Variants in CEP162 observed in about 807,000 individuals in gnomAD.
The protein encoded by CEP162 is centrosomal protein of 162 kDa.
Under a neutral mutation model 169.2 loss-of-function variants are expected in CEP162, and 141 were observed. The ratio of observed to expected loss-of-function variants is 0.83; its 90% CI spans 0.73 to 0.96. CEP162 has a LOEUF of 0.96. CEP162 is among the 40% of genes least tolerant of loss of function. The pLI, the probability that CEP162 is intolerant of heterozygous loss-of-function variation, is 0.00. For synonymous variants in CEP162, 540 were observed against 526.4 expected (o/e 1.03, Z -0.35); for missense variants, 1,600 against 1,587.2 (o/e 1.01, Z -0.14).
At chr6:84,154,833 G>T (rs866710861) in intron 22 of CEP162, among the ~76,000 whole-genome samples, 2 of 151,984 alleles carry the variant, frequency 1.3e-5, no homozygotes, top group Non-Finnish European at 2.9e-5. Flanking sequence ...ATTCATTCCT[G>T]TTTCACAAAA....
At chr6:84,159,304 A>G (rs1191359005) in intron 21 of CEP162, among the ~76,000 whole-genome samples, 1 of 150,568 alleles carries the variant, frequency 6.6e-6, no homozygotes, top group Non-Finnish European at 1.5e-5. Flanking sequence ...TTACTTTTAT[A>G]AAGTGGTATA....
At chr6:84,138,613 T>C (rs2099515152) in intron 25 of CEP162, among the ~76,000 whole-genome samples, 1 of 152,218 alleles carries the variant, frequency 6.6e-6, no homozygotes, top group South Asian at 2.1e-4. Context: ...AGTGCTTAGC[T>C]TTCTAGTAGT....
chr6:84,161,060 T>A, intron 20 of CEP162, 144 bp from the exon 21 acceptor site: 1 of 628,126 alleles, frequency 1.6e-6, no homozygotes, highest in Non-Finnish European at 2.8e-6. Context: ...TTCTTTGAGC[T>A]CCTCCCAAGT....
intron 23 of CEP162, among the ~76,000 whole-genome samples, chr6:84,151,218 G>A (rs2099520967): frequency 6.6e-6 from 1 of 152,032 alleles, no homozygotes; most frequent in Non-Finnish European, 1.5e-5. Context: ...AGAGCAGAGT[G>A]ACCCAGGTAT....
Position 84,175,332 on chromosome 6 carries a change from G to C in CEP162, c.1679C>G (p.Thr560Arg), listed in dbSNP as rs1363928644. Residue 560 changes from threonine to arginine, a missense_variant, in exon 14 of 27, where the codon ACA becomes AGA. Transcript: ENST00000403245. ...QPRKKEILSG[T>R]KLIKPAALDK... is the part of the protein sequence containing the mutation. Reference sequence around the variant, plus strand: ...CAAAGCTGCAGGCTTGATGAGTTTTGTTCCAGATAAGATTTCTAAATATTA... The same window carrying C: ...CAAAGCTGCAGGCTTGATGAGTTTTCTTCCAGATAAGATTTCTAAATATTA... 1.9e-6 allele frequency: 3 copies of C among 1,541,170 alleles called. No homozygotes were observed. The highest frequency in any genetic ancestry group is 2.6e-6 in the Non-Finnish European group (3 of 1,142,540).
At chr6:84,182,942 C>A (rs894377690) in intron 13 of CEP162, among the ~76,000 whole-genome samples, 1 of 152,100 alleles carries the variant, frequency 6.6e-6, no homozygotes, top group Non-Finnish European at 1.5e-5. Context: ...TCAAACTCTG[C>A]TTCTTGGAGA....
chr6:84,163,373 T>C, intron 18 of CEP162, 103 bp from the exon 19 acceptor site: 1 of 848,554 alleles, frequency 1.2e-6, no homozygotes, highest in Non-Finnish European at 1.8e-6. Flanking sequence ...CAAAATATTT[T>C]CTCTAAATTT....
At chr6:84,203,793 A>T (rs1486590633) in intron 7 of CEP162, among the ~76,000 whole-genome samples, 188 bp downstream of exon 7, 1 of 152,120 alleles carries the variant, frequency 6.6e-6, no homozygotes, top group Non-Finnish European at 1.5e-5. Flanking sequence ...AATTTTTTTC[A>T]TTAAGATTTA....
intron 11 of CEP162, among the ~76,000 whole-genome samples, chr6:84,187,810 A>T (rs536419010): frequency 8.8e-4 from 134 of 152,314 alleles, no homozygotes; most frequent in Non-Finnish European, 1.5e-3. Flanking sequence ...AAATGACTGG[A>T]AAGAACAAGG....
chr6:84,175,377 C>A, intron 13 of CEP162, 30 bp from the exon 14 acceptor site: 1 of 1,463,792 alleles, frequency 6.8e-7, no homozygotes. Context: ...TATAAATGCA[C>A]CACAAATGTA....
At chr6:84,145,300 G>A (rs2099518351) in intron 25 of CEP162, among the ~76,000 whole-genome samples, 1 of 152,092 alleles carries the variant, frequency 6.6e-6, no homozygotes, top group Non-Finnish European at 1.5e-5. Context: ...CTAGCCTGGA[G>A]ATGCCAATAA....
chr6:84,203,990 C>G lies in CEP162; in HGVS notation c.678G>C (p.Val226=), dbSNP rs1203839530. The G allele has an allele frequency of 1.2e-6, 2 of 1,601,816 alleles. No homozygotes were observed. Among genetic ancestry groups the G allele is most frequent in the Admixed American group, 3.4e-5 (2 of 58,446 alleles). The part of the protein sequence containing the change: ...KENSKSEKIS[V]PKQEEEKTGM... ...TAATTGATATATATACCTGTTTGGGCACACTTATTTTTTCTGATTTGGAAT... is the reference window on the plus strand; with the variant it reads ...TAATTGATATATATACCTGTTTGGGGACACTTATTTTTTCTGATTTGGAAT... Residue 226 remains valine, a synonymous_variant, in exon 7 of 27, where the codon GTG becomes GTC. Transcript: ENST00000403245.
intron 25 of CEP162, among the ~76,000 whole-genome samples, chr6:84,134,822 A>ATC (rs2099513211): frequency 2.6e-5 from 4 of 151,990 alleles, no homozygotes; most frequent in Non-Finnish European, 5.9e-5. Flanking sequence ...CCCACAGATT[A>ATC]AACTTTTGAT....
At chr6:84,147,579 GCAAA>G (rs1041592577) in intron 24 of CEP162, among the ~76,000 whole-genome samples, 3 of 151,938 alleles carry the variant, frequency 2.0e-5, no homozygotes, top group Non-Finnish European at 2.9e-5. Flanking sequence ...TTTGCATGTA[GCAAA>G]CACTCACATG....
chr6:84,178,807 C>T lies in CEP162; in HGVS notation c.1664-3460G>A, dbSNP rs558050179. Among the ~76,000 whole-genome samples the T allele has an allele frequency of 3.5e-4, 53 of 152,186 alleles. No homozygotes were observed. The East Asian group carries it at 4.8e-3, about 14-fold the overall frequency. On this transcript the variant is annotated intron_variant, in intron 13 of 26. Coordinates refer to ENST00000403245, the MANE Select transcript of CEP162 (RefSeq NM_014895.4). ...TATATCTCCTAATGCTATACCTCCCCGCTCCCCCCAACCCCACGACAGGCC... is the reference window on the plus strand; with the variant it reads ...TATATCTCCTAATGCTATACCTCCCTGCTCCCCCCAACCCCACGACAGGCC...
Position 84,220,614 on chromosome 6 carries a change from C to CAT in CEP162, c.172+441_172+442dup, listed in dbSNP as rs769869866. On this transcript the variant is annotated intron_variant, in intron 3 of 26. Coordinates refer to ENST00000403245, the MANE Select transcript of CEP162 (RefSeq NM_014895.4). ...CCCTTCAGCCTGGGCATATCATATACATATATATGAGAGACATATATACAT... is the reference window on the plus strand; with the variant it reads ...CCCTTCAGCCTGGGCATATCATATACATATATATATGAGAGACATATATACAT... 5.3e-4 allele frequency among the ~76,000 whole-genome samples: 81 copies of CAT among 152,170 alleles called. 1 individual carries two copies. The highest frequency in any genetic ancestry group is 2.3e-3 in the South Asian group (11 of 4,822).
At chr6:84,166,523 T>C (rs1388032449) in intron 18 of CEP162, among the ~76,000 whole-genome samples, 11 of 152,210 alleles carry the variant, frequency 7.2e-5, no homozygotes, top group Admixed American at 7.2e-4. Context: ...TCTTCTTCAC[T>C]AGAACATATG....
chr6:84,217,843 C>G (rs1005126065), intron 3 of CEP162: 9 of 152,096 alleles, frequency 5.9e-5, no homozygotes, highest in African/African-American at 2.2e-4. Context: ...GAGGAATAAC[C>G]CGGAGTTCAG....
At chr6:84,201,105 C>T (rs531053437) in intron 8 of CEP162, among the ~76,000 whole-genome samples, 200 bp from the exon 9 acceptor site, 43 of 152,174 alleles carry the variant, frequency 2.8e-4, no homozygotes, top group Non-Finnish European at 5.0e-4. Flanking sequence ...GGTGAAACCC[C>T]GTCTCTATTA....
Sources: gnomAD v4.1 joint callset for allele counts (sites outside exome capture counted in the v4.1 genomes callset) on GRCh38, gnomAD v4.1.1 for gene constraint, MANE v1.5 for transcripts, NCBI Gene and HGNC (gene_info 2026-07-23, HGNC 2026-07-21) for gene names.